The following GRIK2 variants were observed in gnomAD, a reference collection of about 807,000 sequenced individuals.
GRIK2 encodes the protein glutamate receptor ionotropic, kainate 2.
GRIK2 carries 32 observed loss-of-function variants against 100.3 expected under a neutral mutation model. That is an observed-to-expected ratio of 0.32 (90% CI 0.24 to 0.43). GRIK2 has a LOEUF of 0.43. Ranked by LOEUF, GRIK2 falls within the 20% of genes least tolerant of loss-of-function variation. The probability of loss-of-function intolerance (pLI) is 1.00; values close to 1 mark genes in which losing one functional copy is unlikely to be tolerated. For missense variants in GRIK2, 843 were observed against 1,114.9 expected, an observed-to-expected ratio of 0.76 and a Z score of 3.47; for synonymous variants, 417 against 389.4, an observed-to-expected ratio of 1.07 and a Z score of -0.83.
At chr6:101,573,330 G>T (rs1345329058) in intron 2 of GRIK2, among the ~76,000 whole-genome samples, 2 of 152,080 alleles carry the variant, frequency 1.3e-5, no homozygotes. Context: ...TAGACTACTG[G>T]TCATAGATTG....
chr6:101,988,417 G>C (rs912083309), intron 14 of GRIK2, among the ~76,000 whole-genome samples: 2 of 151,752 alleles, frequency 1.3e-5, no homozygotes, highest in African/African-American at 4.8e-5. Flanking sequence ...GGCAGTCTGA[G>C]GTTATTTTTA....
intron 10 of GRIK2, among the ~76,000 whole-genome samples, chr6:101,838,638 C>T (rs1162769476): frequency 1.5e-5 from 2 of 133,848 alleles, no homozygotes; most frequent in African/African-American, 7.0e-5. Flanking sequence ...CTCTTTTTTT[C>T]ACTCTATTAA....
intron 7 of GRIK2, among the ~76,000 whole-genome samples, chr6:101,700,479 G>A (rs1265298998): frequency 6.6e-6 from 1 of 151,960 alleles, no homozygotes; most frequent in Non-Finnish European, 1.5e-5. Flanking sequence ...ACAGGAGAGT[G>A]CAATAAAAGT....
chr6:101,465,041 C>G (rs1771569212), intron 2 of GRIK2, among the ~76,000 whole-genome samples: 1 of 152,188 alleles, frequency 6.6e-6, no homozygotes, highest in Non-Finnish European at 1.5e-5. Flanking sequence ...TGCAATATGG[C>G]TAACAGGATA....
chr6:101,836,090 TCCATTG>T (rs1229071841), intron 10 of GRIK2, among the ~76,000 whole-genome samples: 12 of 151,792 alleles, frequency 7.9e-5, no homozygotes, highest in Non-Finnish European at 1.3e-4. Context: ...GAGGCATTAC[TCCATTG>T]CCTTTTTCTG....
chr6:101,771,218 T>C (rs1049100025), intron 7 of GRIK2, among the ~76,000 whole-genome samples: 3 of 151,982 alleles, frequency 2.0e-5, no homozygotes, highest in African/African-American at 4.8e-5. Flanking sequence ...AGCATATTAG[T>C]TATCTTTCTT....
At chr6:101,960,046 G>GT (rs1288088009) in intron 14 of GRIK2, among the ~76,000 whole-genome samples, 2 of 87,620 alleles carry the variant, frequency 2.3e-5, no homozygotes, top group East Asian at 3.6e-4. Context: ...CCTTTTTTTA[G>GT]TGTTTTGTTT....
At chr6:101,849,852 G>T (rs1285973300) in intron 10 of GRIK2, among the ~76,000 whole-genome samples, 27 of 7,502 alleles carry the variant, frequency 3.6e-3, no homozygotes, top group Admixed American at 5.5e-3. Context: ...TCAACCCTAT[G>T]TTCATTAAGG....
chr6:101,957,987 G>A (rs1157719984), intron 14 of GRIK2, among the ~76,000 whole-genome samples: 1 of 151,844 alleles, frequency 6.6e-6, no homozygotes, highest in Non-Finnish European at 1.5e-5. Context: ...TTTTTGCTTA[G>A]GATTGTTTTG....
chr6:101,689,560 C>A (rs1035585198), intron 7 of GRIK2, among the ~76,000 whole-genome samples: 1 of 152,068 alleles, frequency 6.6e-6, no homozygotes, highest in African/African-American at 2.4e-5. Context: ...TCTTTCTCTG[C>A]AGTCTAGGGT....
intron 2 of GRIK2, among the ~76,000 whole-genome samples, chr6:101,488,261 C>G (rs1334200959): frequency 6.8e-6 from 1 of 146,582 alleles, no homozygotes; most frequent in East Asian, 1.9e-4. Context: ...AAAGTCCTCT[C>G]TAGTAGTAGA....
chr6:101,618,064 G>C (rs867535629), intron 2 of GRIK2, among the ~76,000 whole-genome samples: 45 of 151,724 alleles, frequency 3.0e-4, no homozygotes, highest in Admixed American at 5.9e-4. Flanking sequence ...TTTTAAGAAA[G>C]TCTAATATGT....
intron 2 of GRIK2, among the ~76,000 whole-genome samples, chr6:101,486,578 A>AG (rs1304327795): frequency 1.3e-5 from 2 of 152,134 alleles, no homozygotes; most frequent in Non-Finnish European, 2.9e-5. Flanking sequence ...TGGTGGATGA[A>AG]GGGAGACCAA....
chr6:102,028,141 C>G (rs1227230465), intron 14 of GRIK2, among the ~76,000 whole-genome samples: 1 of 150,994 alleles, frequency 6.6e-6, no homozygotes, highest in Non-Finnish European at 1.5e-5. Context: ...ACTAAAATGT[C>G]TATAAGTTTT....
chr6:101,548,511 A>G (rs1044219286), intron 2 of GRIK2, among the ~76,000 whole-genome samples: 4 of 152,202 alleles, frequency 2.6e-5, no homozygotes, highest in African/African-American at 9.7e-5. Context: ...GGTGTAAGGA[A>G]GGGGTCCAGT....
chr6:101,405,226 T>C (rs1775531759), intron 2 of GRIK2, among the ~76,000 whole-genome samples: 1 of 152,214 alleles, frequency 6.6e-6, no homozygotes, highest in African/African-American at 2.4e-5. Flanking sequence ...AAAGACTCAT[T>C]AATGCATTAT....
intron 2 of GRIK2, among the ~76,000 whole-genome samples, chr6:101,523,940 T>C (rs1225950091): frequency 6.6e-6 from 1 of 152,110 alleles, no homozygotes; most frequent in Non-Finnish European, 1.5e-5. Context: ...CGGGCTGGCC[T>C]CGAACCCCTG....
intron 7 of GRIK2, among the ~76,000 whole-genome samples, chr6:101,726,485 C>T (rs1774875497): frequency 6.6e-6 from 1 of 151,930 alleles, no homozygotes; most frequent in Non-Finnish European, 1.5e-5. Context: ...AAACAGGAAT[C>T]AATTGGGACA....
At chr6:101,715,779 C>T (rs563128887) in intron 7 of GRIK2, among the ~76,000 whole-genome samples, 2 of 151,860 alleles carry the variant, frequency 1.3e-5, no homozygotes, top group South Asian at 2.1e-4. Flanking sequence ...ATGGAAGAAT[C>T]ACAGCAAGAG....
Sources: gnomAD v4.1 joint callset for allele counts (sites outside exome capture counted in the v4.1 genomes callset) on GRCh38, gnomAD v4.1.1 for gene constraint, MANE v1.5 for transcripts, NCBI Gene and HGNC (gene_info 2026-07-23, HGNC 2026-07-21) for gene names.